APBB2: variants seen among roughly 807,000 people sequenced by gnomAD.
APBB2 encodes the protein amyloid beta precursor protein binding family B member 2, also known as Fe65-like 1.
Under a neutral mutation model 82.5 loss-of-function variants are expected in APBB2, and 38 were observed. The ratio of observed to expected loss-of-function variants is 0.46; its 90% CI spans 0.36 to 0.60. The LOEUF is 0.60. Ranked by LOEUF, APBB2 falls within the 20% of genes least tolerant of loss-of-function variation. The pLI, the probability that APBB2 is intolerant of heterozygous loss-of-function variation, is 0.00. For synonymous variants in APBB2, 341 were observed against 368.2 expected, an observed-to-expected ratio of 0.93 and a Z score of 0.85; for missense variants, 772 against 972.3, an observed-to-expected ratio of 0.79 and a Z score of 2.74.
At chr4:41,050,254 C>T (rs897074076) in intron 4 of APBB2, among the ~76,000 whole-genome samples, 5 of 152,092 alleles carry the variant, frequency 3.3e-5, no homozygotes, top group Admixed American at 1.3e-4. Flanking sequence ...TTCCAAGGTA[C>T]AATACAGAAA....
intron 3 of APBB2, among the ~76,000 whole-genome samples, chr4:41,074,908 G>A (rs1735142433): frequency 6.6e-6 from 1 of 152,092 alleles, no homozygotes; most frequent in Non-Finnish European, 1.5e-5. Flanking sequence ...CAGCACTTTG[G>A]GAGGCCGAGG....
At chr4:40,889,246 A>G (rs1771270570) in intron 12 of APBB2, among the ~76,000 whole-genome samples, 1 of 152,226 alleles carries the variant, frequency 6.6e-6, no homozygotes, top group Non-Finnish European at 1.5e-5. Flanking sequence ...GTTCTAGCAT[A>G]AATGCTTACT....
At chr4:40,944,569 C>A (rs1023076409) in intron 7 of APBB2, among the ~76,000 whole-genome samples, 1 of 152,180 alleles carries the variant, frequency 6.6e-6, no homozygotes, top group East Asian at 1.9e-4. Flanking sequence ...GAGTAAAGTA[C>A]TGCCTCAGTG....
chr4:41,120,407 C>T (rs182528881), intron 2 of APBB2, among the ~76,000 whole-genome samples: 2 of 152,298 alleles, frequency 1.3e-5, no homozygotes, highest in East Asian at 3.9e-4. Context: ...CCCACAACCA[C>T]GTGACTGATC....
chr4:41,027,461 C>A (rs1714912817), intron 5 of APBB2, among the ~76,000 whole-genome samples: 2 of 147,066 alleles, frequency 1.4e-5, no homozygotes, highest in Admixed American at 1.4e-4. Context: ...TTTTCCATTC[C>A]CTCCAACAGT....
At chr4:41,071,744 A>G (rs1024351465) in intron 3 of APBB2, among the ~76,000 whole-genome samples, 1 of 152,118 alleles carries the variant, frequency 6.6e-6, no homozygotes, top group African/African-American at 2.4e-5. Context: ...AATGATCACG[A>G]TTTTCAAAAC....
chr4:41,131,692 C>T (rs950631472), intron 2 of APBB2, among the ~76,000 whole-genome samples: 9 of 152,098 alleles, frequency 5.9e-5, no homozygotes, highest in Admixed American at 4.6e-4. Flanking sequence ...TAGGAAAATA[C>T]GTTTCTAAAA....
intron 1 of APBB2, among the ~76,000 whole-genome samples, chr4:41,196,268 A>C: frequency 3.9e-5 from 6 of 152,132 alleles, no homozygotes; most frequent in Non-Finnish European, 8.8e-5. Flanking sequence ...ATTACGTACT[A>C]TGGTTAGTTA....
chr4:41,018,991 G>C (rs980249967), intron 5 of APBB2, among the ~76,000 whole-genome samples: 3 of 152,218 alleles, frequency 2.0e-5, no homozygotes, highest in Admixed American at 2.0e-4. Context: ...GAACAGGGCA[G>C]AAAGATAAGG....
At chr4:41,033,378 G>GA in intron 4 of APBB2, 74 bp from the exon 5 acceptor site, 4 of 1,037,878 alleles carry the variant, frequency 3.9e-6, no homozygotes, top group Non-Finnish European at 4.1e-6. Context: ...GCATAGCAGT[G>GA]AAAATCTCTC....
intron 4 of APBB2, among the ~76,000 whole-genome samples, chr4:41,049,056 C>T (rs1033855383): frequency 4.6e-5 from 7 of 151,964 alleles, no homozygotes; most frequent in East Asian, 2.0e-4. Context: ...CCCAAAGTGC[C>T]GAGATTGCAG....
chr4:40,994,771 GCCACTACACTC>G (rs1299251315), intron 6 of APBB2, among the ~76,000 whole-genome samples: 1 of 146,398 alleles, frequency 6.8e-6, no homozygotes, highest in Non-Finnish European at 1.5e-5. Flanking sequence ...TCAAGATTGT[GCCACTACACTC>G]CAGCCTGGGG....
At chr4:41,029,338 A>G (rs183914022) in intron 5 of APBB2, among the ~76,000 whole-genome samples, 147 of 152,356 alleles carry the variant, frequency 9.6e-4, no homozygotes, top group Middle Eastern at 3.4e-3. Context: ...GACAAAAATG[A>G]TAAGAACTCT....
chr4:41,162,264 A>G (rs1264811890), intron 1 of APBB2, among the ~76,000 whole-genome samples: 1 of 150,146 alleles, frequency 6.7e-6, no homozygotes, highest in African/African-American at 2.5e-5. Context: ...ATTGAATCAC[A>G]GTCTACACAT....
chr4:40,830,419 GA>G, intron 13 of APBB2, 43 bp downstream of exon 13: 2 of 1,387,608 alleles, frequency 1.4e-6, no homozygotes, highest in Non-Finnish European at 2.1e-6. Flanking sequence ...TATGCAGCAA[GA>G]AAAAAAGAGA....
At chr4:41,206,132 G>T (rs76338776) in intron 1 of APBB2, among the ~76,000 whole-genome samples, 17,564 of 152,182 alleles carry the variant, frequency 0.12, 1,269 homozygotes, top group South Asian at 0.18. Context: ...GATTTGAAAG[G>T]CCAAATCCCG....
At chr4:41,139,607 A>G (rs1457575854) in intron 2 of APBB2, among the ~76,000 whole-genome samples, 1 of 152,218 alleles carries the variant, frequency 6.6e-6, no homozygotes, top group African/African-American at 2.4e-5. Flanking sequence ...TGAACTATCA[A>G]TTCATGAAAA....
intron 10 of APBB2, among the ~76,000 whole-genome samples, chr4:40,896,715 T>C (rs1477746394): frequency 6.6e-6 from 1 of 152,234 alleles, no homozygotes. Flanking sequence ...GGGGTATCCC[T>C]GTCATTCTGG....
At chr4:41,164,602 C>T (rs988728085) in intron 1 of APBB2, among the ~76,000 whole-genome samples, 5 of 151,634 alleles carry the variant, frequency 3.3e-5, no homozygotes, top group Non-Finnish European at 5.9e-5. Flanking sequence ...TGATAAGTCC[C>T]TTTGAAAAAC....
Sources: gnomAD v4.1 joint callset for allele counts (sites outside exome capture counted in the v4.1 genomes callset) on GRCh38, gnomAD v4.1.1 for gene constraint, MANE v1.5 for transcripts, NCBI Gene and HGNC (gene_info 2026-07-23, HGNC 2026-07-21) for gene names.